Variants in RFX7 observed in about 807,000 individuals in gnomAD.
RFX7 encodes regulatory factor X7, also known as DNA-binding protein RFX7.
Under a neutral mutation model 111.8 loss-of-function variants are expected in RFX7, and 26 were observed. That is an observed-to-expected ratio of 0.23 (90% CI 0.17 to 0.32). RFX7 has a LOEUF of 0.32. RFX7 is among the 10% of genes least tolerant of loss of function. The pLI, the probability that RFX7 is intolerant of heterozygous loss-of-function variation, is 1.00. For synonymous variants in RFX7, 624 were observed against 624.4 expected, an observed-to-expected ratio of 1.00 and a Z score of 0.01; for missense variants, 1,573 against 1,772.9, an observed-to-expected ratio of 0.89 and a Z score of 2.02.
intron 2 of RFX7, among the ~76,000 whole-genome samples, chr15:56,234,953 T>C (rs1160371626): frequency 6.6e-6 from 1 of 152,232 alleles, no homozygotes; most frequent in Admixed American, 6.5e-5. Context: ...CAGATCATTG[T>C]TCCCCTGGGA....
intron 2 of RFX7, among the ~76,000 whole-genome samples, chr15:56,221,118 T>C (rs1487759206): frequency 5.3e-5 from 8 of 152,352 alleles, no homozygotes; most frequent in Admixed American, 2.0e-4. Flanking sequence ...GTTAATGTGA[T>C]GCCTCCCGCT....
rs775665569 is a variant in RFX7 at position 56,096,086 on chromosome 15, G to A, written c.1642C>T (p.His548Tyr). 3.7e-6 allele frequency: 6 copies of A among 1,613,612 alleles called. No individual in the cohort carries two copies. Among genetic ancestry groups the A allele is most frequent in the Non-Finnish European group, 5.1e-6 (6 of 1,179,748 alleles). Residue 548 changes from histidine to tyrosine, a missense_variant, in exon 10 of 10, where the codon CAT (histidine) becomes TAT (tyrosine). By Grantham distance (83) the His-to-Tyr change is moderately conservative. Coordinates refer to ENST00000559447, the MANE Select transcript of RFX7 (RefSeq NM_022841.7). ...GAGTTCTCTTGGCACTGTACAGGAT[G>A]CTCATCTGATGATGTTTCGGGTTCC... ...KVEPETSSDE[H>Y]PVQCQENSDE...
rs757257870 is a variant in RFX7, at chr15:56,095,254, C to G, written c.2474G>C (p.Gly825Ala). Residue 825 changes from glycine (G) to alanine (A), a missense_variant, in exon 10 of 10, where the codon GGA becomes GCA. Coordinates refer to ENST00000559447, the MANE Select transcript of RFX7 (RefSeq NM_022841.7). ...CTGGCTATATGTGTCCTGTGGCATT[C>G]CTTCTAATTCCCAAACAGATTTCTC... ...DLEKSVWELE[G>A]MPQDTYSQQL... 2 of 1,613,862 alleles carry G rather than the reference C, an allele frequency of 1.2e-6. No homozygotes were observed. Among genetic ancestry groups the G allele is most frequent in the Admixed American group, 1.7e-5 (1 of 60,026 alleles).
chr15:56,180,154 T>C (rs956408943), intron 2 of RFX7, among the ~76,000 whole-genome samples: 4 of 152,186 alleles, frequency 2.6e-5, no homozygotes, highest in Admixed American at 2.6e-4. Flanking sequence ...GCCAAATATA[T>C]GTAAACCAAA....
rs1449200995 is a variant in RFX7, at chr15:56,162,992, T to TA, written c.195+16277dup. On this transcript the variant is annotated intron_variant, in intron 3 of 9. Transcript: ENST00000559447. ...GTATCACAAAATAAATGTGATCTTC[T>TA]ACCCATGAGCCTTTTTCGAGCAGTA... Among the ~76,000 whole-genome samples, 186 of 152,280 alleles carry TA rather than the reference T, an allele frequency of 1.2e-3. 1 individual carries two copies. Among genetic ancestry groups the TA allele is most frequent in the African/African-American group, 4.4e-3 (185 of 41,580 alleles).
chr15:56,170,877 G>A (rs566017141), intron 3 of RFX7, among the ~76,000 whole-genome samples: 41 of 152,304 alleles, frequency 2.7e-4, no homozygotes, highest in African/African-American at 9.9e-4. Context: ...GATAGGCTGT[G>A]GGGAGAGTGG....
chr15:56,153,602 C>T (rs2042607379), intron 3 of RFX7, among the ~76,000 whole-genome samples: 1 of 152,182 alleles, frequency 6.6e-6, no homozygotes, highest in African/African-American at 2.4e-5. Flanking sequence ...CCCCTTCATG[C>T]TAAAACCTCT....
intron 5 of RFX7, among the ~76,000 whole-genome samples, chr15:56,117,702 C>T (rs1383863614): frequency 1.3e-5 from 2 of 152,076 alleles, no homozygotes; most frequent in East Asian, 3.8e-4. Context: ...TATCAACTTC[C>T]ACATATGAGT....
chr15:56,148,157 C>CA (rs1428220449), intron 3 of RFX7, among the ~76,000 whole-genome samples: 1 of 152,038 alleles, frequency 6.6e-6, no homozygotes, highest in East Asian at 1.9e-4. Context: ...TCAATCTTTG[C>CA]AAAAAGATAT....
intron 5 of RFX7, among the ~76,000 whole-genome samples, chr15:56,132,486 C>A (rs1466109067): frequency 6.6e-6 from 1 of 151,640 alleles, no homozygotes; most frequent in Non-Finnish European, 1.5e-5. Context: ...GGATAATTAA[C>A]CATTTAGAAA....
intron 3 of RFX7, among the ~76,000 whole-genome samples, chr15:56,168,079 G>C (rs1254577342): frequency 6.6e-6 from 1 of 152,180 alleles, no homozygotes; most frequent in African/African-American, 2.4e-5. Context: ...TCTGAAGTCA[G>C]ATTATCTGAA....
intron 2 of RFX7, among the ~76,000 whole-genome samples, chr15:56,196,320 T>C (rs1292502353): frequency 2.0e-5 from 3 of 152,122 alleles, no homozygotes; most frequent in Non-Finnish European, 2.9e-5. Flanking sequence ...TGGTGACCGC[T>C]ATCCAGAAGT....
intron 3 of RFX7, among the ~76,000 whole-genome samples, chr15:56,146,163 T>C (rs2042466460): frequency 6.6e-6 from 1 of 152,194 alleles, no homozygotes; most frequent in Non-Finnish European, 1.5e-5. Flanking sequence ...AGTGGCTTAA[T>C]CATAGCTCAC....
intron 2 of RFX7, among the ~76,000 whole-genome samples, chr15:56,217,046 A>G (rs1246758493): frequency 1.3e-5 from 2 of 152,210 alleles, no homozygotes; most frequent in Non-Finnish European, 2.9e-5. Context: ...TAAAACAAAA[A>G]AAATTAGAAA....
intron 5 of RFX7, among the ~76,000 whole-genome samples, chr15:56,125,537 T>G (rs1405147117): frequency 6.6e-6 from 1 of 152,120 alleles, no homozygotes; most frequent in African/African-American, 2.4e-5. Flanking sequence ...TTATCACTGT[T>G]TTTTAGTTTT....
At chr15:56,208,564 C>T (rs563869418) in intron 2 of RFX7, among the ~76,000 whole-genome samples, 4 of 152,094 alleles carry the variant, frequency 2.6e-5, no homozygotes, top group Admixed American at 6.6e-5. Flanking sequence ...GCACAGCAAA[C>T]AGCAAAAACA....
chr15:56,198,378 T>C (rs1267422378), intron 2 of RFX7, among the ~76,000 whole-genome samples: 2 of 152,158 alleles, frequency 1.3e-5, no homozygotes, highest in Non-Finnish European at 2.9e-5. Context: ...TCTAGTTCAG[T>C]ATAGTCAAGG....
intron 2 of RFX7, among the ~76,000 whole-genome samples, chr15:56,211,876 C>CA (rs542456380): frequency 4.9e-4 from 75 of 152,128 alleles, no homozygotes; most frequent in African/African-American, 1.8e-3. Flanking sequence ...CTGACACCAC[C>CA]AAATCCTGAC....
chr15:56,242,432 T>C (rs979772714), intron 2 of RFX7, among the ~76,000 whole-genome samples: 3 of 152,326 alleles, frequency 2.0e-5, no homozygotes, highest in Admixed American at 1.3e-4. Context: ...CGAAAGATAT[T>C]CCATCAATGG....
Sources: allele counts gnomAD v4.1 joint callset (sites outside exome capture counted in the v4.1 genomes callset), GRCh38; gene constraint gnomAD v4.1.1; transcripts MANE v1.5; gene names NCBI Gene and HGNC (gene_info 2026-07-23, HGNC 2026-07-21).